GRIP1: variants seen among roughly 807,000 people sequenced by gnomAD.
The protein encoded by GRIP1 is glutamate receptor interacting protein 1, also known as glutamate receptor-interacting protein 1.
In GRIP1, 45 loss-of-function variants were observed where a neutral mutation model predicts 129.9. That is an observed-to-expected ratio of 0.35 (90% CI 0.27 to 0.44). GRIP1 has a LOEUF of 0.44. GRIP1 is among the 20% of genes least tolerant of loss of function. The pLI is 1.00. For missense variants in GRIP1, 1,196 were observed against 1,396.8 expected (o/e 0.86, Z 2.29); for synonymous variants, 530 against 520.8 (o/e 1.02, Z -0.24).
intron 16 of GRIP1, among the ~76,000 whole-genome samples, chr12:66,401,609 T>TATATAC (rs1169241331): frequency 9.1e-6 from 1 of 110,176 alleles, no homozygotes; most frequent in Non-Finnish European, 1.8e-5. Flanking sequence ...TATATATATA[T>TATATAC]ACACACACAC....
intron 1 of GRIP1, among the ~76,000 whole-genome samples, chr12:66,777,279 A>C (rs1344224092): frequency 6.6e-6 from 1 of 151,862 alleles, no homozygotes; most frequent in Non-Finnish European, 1.5e-5. Context: ...TCTGCTCCTC[A>C]AATGTGACAG....
At chr12:66,450,235 C>T (rs111959303) in intron 11 of GRIP1, among the ~76,000 whole-genome samples, 2,569 of 126,064 alleles carry the variant, frequency 0.02, 36 homozygotes, top group Middle Eastern at 0.1. Context: ...ACCCGGGAGG[C>T]GGAGCTTGCA....
intron 2 of GRIP1, among the ~76,000 whole-genome samples, chr12:66,544,179 T>C (rs1273668896): frequency 6.6e-6 from 1 of 152,242 alleles, no homozygotes; most frequent in Non-Finnish European, 1.5e-5. Context: ...CTTTTTCAAC[T>C]GATACTTGTC....
rs1187415539 is a variant in GRIP1 at position 66,723,239 on chromosome 12, TCTTCCTTCCTTCCTTC to T, written c.-420+80798_-420+80813del. 3.4e-4 allele frequency among the ~76,000 whole-genome samples: 8 copies of T among 23,598 alleles called. 2 individuals are homozygous for T. Among genetic ancestry groups the T allele is most frequent in the African/African-American group, 1.5e-3 (6 of 3,918 alleles). The allele number at this position is 23,598 out of a possible 152,430, so 15.5% of individuals were successfully genotyped here. A position where few individuals can be genotyped will look rare whatever the true frequency, so the allele number is the denominator to read the frequency against. On this transcript the variant is annotated intron_variant, in intron 1 of 4. Transcript: ENST00000538373. ...CTTTCTTTCTTTCTCTCTCTCTCTC[TCTTCCTTCCTTCCTTC>T]CTTCCTTCCTTCCTTCCTTCCTTCC...
chr12:66,562,097 T>C (rs1359062885), intron 2 of GRIP1, among the ~76,000 whole-genome samples: 3 of 152,034 alleles, frequency 2.0e-5, no homozygotes, highest in Non-Finnish European at 4.4e-5. Context: ...CAGAGCAAGA[T>C]CCTGTCTCAA....
At chr12:66,897,847 A>C (rs950068223) in intron 1 of GRIP1, among the ~76,000 whole-genome samples, 3 of 152,210 alleles carry the variant, frequency 2.0e-5, no homozygotes, top group Non-Finnish European at 4.4e-5. Flanking sequence ...ATGCATACAC[A>C]CCAGTTATGG....
chr12:66,461,648 A>G (rs2059139917), intron 9 of GRIP1, among the ~76,000 whole-genome samples: 1 of 152,252 alleles, frequency 6.6e-6, no homozygotes, highest in Admixed American at 6.5e-5. Flanking sequence ...GATTTTCATT[A>G]GCTTCAGGGC....
At chr12:66,719,630 C>G (rs2035998370) in intron 1 of GRIP1, among the ~76,000 whole-genome samples, 1 of 152,124 alleles carries the variant, frequency 6.6e-6, no homozygotes, top group Admixed American at 6.6e-5. Flanking sequence ...CACTACCAAA[C>G]AAATGAAACA....
intron 7 of GRIP1, among the ~76,000 whole-genome samples, chr12:66,492,506 G>C (rs182763891): frequency 6.6e-6 from 1 of 152,282 alleles, no homozygotes; most frequent in Admixed American, 6.5e-5. Flanking sequence ...AAGGCACTGA[G>C]AGGCACCAGC....
intron 1 of GRIP1, among the ~76,000 whole-genome samples, chr12:66,855,201 T>C (rs928335181): frequency 6.6e-6 from 1 of 152,036 alleles, no homozygotes; most frequent in Non-Finnish European, 1.5e-5. Flanking sequence ...AGGCACATTA[T>C]ATAACCAATC....
chr12:66,948,641 C>T (rs1362182457), intron 1 of GRIP1, among the ~76,000 whole-genome samples: 4 of 151,982 alleles, frequency 2.6e-5, no homozygotes, highest in African/African-American at 9.7e-5. Flanking sequence ...ATATGGCACA[C>T]AGGAAACATG....
At chr12:66,623,435 G>T (rs2065361157) in intron 1 of GRIP1, among the ~76,000 whole-genome samples, 1 of 152,170 alleles carries the variant, frequency 6.6e-6, no homozygotes, top group Non-Finnish European at 1.5e-5. Context: ...CCTACTTAAA[G>T]TTGATCAGTC....
At chr12:66,605,050 C>A (rs55743225) in intron 1 of GRIP1, among the ~76,000 whole-genome samples, 29 of 139,168 alleles carry the variant, frequency 2.1e-4, no homozygotes, top group Non-Finnish European at 3.6e-4. Context: ...TCAGAAGTCA[C>A]TTATATATAT....
chr12:66,893,703 T>C (rs2040699354), intron 1 of GRIP1, among the ~76,000 whole-genome samples: 1 of 152,222 alleles, frequency 6.6e-6, no homozygotes, highest in Non-Finnish European at 1.5e-5. Flanking sequence ...ACATACATTC[T>C]TATTTCTCTA....
intron 23 of GRIP1, among the ~76,000 whole-genome samples, chr12:66,363,199 CCATATATA>C (rs1433961459): frequency 0.021 from 732 of 35,340 alleles, 64 homozygotes; most frequent in African/African-American, 0.031. Context: ...GTGTGTGTGT[CCATATATA>C]TATATATATA....
chr12:66,515,451 A>G (rs577270304), intron 7 of GRIP1, among the ~76,000 whole-genome samples, 168 bp downstream of exon 7: 2 of 152,320 alleles, frequency 1.3e-5, no homozygotes, highest in South Asian at 4.1e-4. Context: ...TGTAAAGTAC[A>G]GCCACTCACA....
chr12:66,561,159 G>A (rs2062513094), intron 2 of GRIP1, among the ~76,000 whole-genome samples: 1 of 152,146 alleles, frequency 6.6e-6, no homozygotes, highest in South Asian at 2.1e-4. Context: ...GAGCTAGAGA[G>A]TAGAATAAAG....
At chr12:66,813,850 G>A (rs7957244) in intron 1 of GRIP1, among the ~76,000 whole-genome samples, 38,453 of 152,082 alleles carry the variant, frequency 0.25, 5,901 homozygotes, top group Non-Finnish European at 0.34. Flanking sequence ...AGAACTCAGT[G>A]CACAGTGTTA....
At chr12:67,048,274 G>A (rs2043285985) in intron 1 of GRIP1, among the ~76,000 whole-genome samples, 1 of 151,904 alleles carries the variant, frequency 6.6e-6, no homozygotes, top group Non-Finnish European at 1.5e-5. Flanking sequence ...AAATATTGTT[G>A]CTTATAACAA....
Sources: allele counts gnomAD v4.1 joint callset (sites outside exome capture counted in the v4.1 genomes callset), GRCh38; gene constraint gnomAD v4.1.1; transcripts MANE v1.5; gene names NCBI Gene and HGNC (gene_info 2026-07-23, HGNC 2026-07-21).